The following EARS2 variants were observed in gnomAD, a reference collection of about 807,000 sequenced individuals.
EARS2 encodes the protein glutamyl-tRNA synthetase 2, mitochondrial.
In EARS2, 50 loss-of-function variants were observed where a neutral mutation model predicts 54.1. That is an observed-to-expected ratio of 0.92 (90% CI 0.74 to 1.17). EARS2 has a LOEUF of 1.17. EARS2 is among the 50% of genes most tolerant of loss of function. EARS2 has a pLI of 0.00. For missense variants in EARS2, 673 were observed against 675.0 expected, an observed-to-expected ratio of 1.00 and a Z score of 0.03; for synonymous variants, 298 against 281.0, an observed-to-expected ratio of 1.06 and a Z score of -0.61.
chr16:23,546,054 G>A (rs73548366), intron 2 of EARS2, among the ~76,000 whole-genome samples: 6 of 152,156 alleles, frequency 3.9e-5, no homozygotes, highest in Admixed American at 3.3e-4. Flanking sequence ...CCTGTGCAGA[G>A]GGAATTGTGA....
At chr16:23,546,738 C>T (rs1184680463) in intron 2 of EARS2, among the ~76,000 whole-genome samples, 1 of 152,122 alleles carries the variant, frequency 6.6e-6, no homozygotes. Flanking sequence ...TTTAAGTTTT[C>T]TATAGAGACA....
Position 23,524,260 on chromosome 16 carries a change from G to A in EARS2, c.*111C>T. 1 of 869,114 alleles carries A rather than the reference G, an allele frequency of 1.2e-6. No homozygotes were observed. Among genetic ancestry groups the A allele is most frequent in the African/African-American group, 1.7e-5 (1 of 60,270 alleles). The allele number at this position is 869,114 out of a possible 1,614,324, so 53.8% of individuals were successfully genotyped here. On this transcript the variant is annotated 3_prime_UTR_variant, in exon 9 of 9. Coordinates refer to ENST00000449606, the MANE Select transcript of EARS2 (RefSeq NM_001083614.2). Reference sequence around the variant, plus strand: ...CAGTCAGAGATTGTTTCCACTCTTAGTTCCTTCAGCAAACTTCCCGACGGG... The same window carrying A: ...CAGTCAGAGATTGTTTCCACTCTTAATTCCTTCAGCAAACTTCCCGACGGG...
In EARS2 at chr16:23,529,606, C is replaced by G. The variant is rs1346200076; in HGVS notation, c.1248G>C (p.Leu416Phe). The G allele has an allele frequency of 6.2e-7, 1 of 1,614,122 alleles. No individual in the cohort carries two copies. The highest frequency in any genetic ancestry group is 1.1e-5 in the South Asian group (1 of 91,072). Reference protein sequence around the residue: ...RQGHICRLQDLVSPVYSYLWT... With the variant: ...RQGHICRLQDFVSPVYSYLWT... ...ACAGGTAAGAGTATACTGGGGACACCAAGTCCTGCAGGCGGCAAATGTGAC... is the reference window on the plus strand; with the variant it reads ...ACAGGTAAGAGTATACTGGGGACACGAAGTCCTGCAGGCGGCAAATGTGAC... The change falls in exon 7 of 9, where the codon TTG (leucine) becomes TTC (phenylalanine). Residue 416 changes from leucine (L) to phenylalanine (F), a missense_variant. Transcript: ENST00000449606.
chr16:23,526,898 G>A (rs1965237885), intron 7 of EARS2, among the ~76,000 whole-genome samples: 1 of 152,182 alleles, frequency 6.6e-6, no homozygotes, highest in East Asian at 1.9e-4. Context: ...GTCAAGAGAT[G>A]GGAATAGGCT....
At chr16:23,550,411 T>C (rs1478335211) in intron 2 of EARS2, among the ~76,000 whole-genome samples, 1 of 150,856 alleles carries the variant, frequency 6.6e-6, no homozygotes, top group Admixed American at 6.7e-5. Flanking sequence ...CATCTGTCTT[T>C]TCCCTTGGCA....
chr16:23,552,246 C>A lies in EARS2; in HGVS notation c.198G>T (p.Lys66Asn). ...GCCTCAGGATGAAGCTCCCCTGGTA[C>A]TTCTTAGCAAAGATGTAGTTGTACA... is the stretch of plus-strand genomic sequence containing the variant. ...TALYNYIFAK[K>N]YQGSFILRLE... Residue 66 changes from lysine to asparagine, a missense_variant, in exon 2 of 9, where the codon AAG becomes AAT. Physicochemically the swap from Lys to Asn is moderately conservative, Grantham distance 94 (BLOSUM62 0). Coordinates refer to ENST00000449606, the MANE Select transcript of EARS2 (RefSeq NM_001083614.2). The A allele has an allele frequency of 6.2e-7, 1 of 1,614,220 alleles. No individual in the cohort carries two copies. The highest frequency in any genetic ancestry group is 8.5e-7 in the Non-Finnish European group (1 of 1,180,040).
rs1237326766 is a variant in EARS2, at chr16:23,552,273, G to A, written c.171C>T (p.Ala57=). ...TCTTAGCAAAGATGTAGTTGTACAA[G>A]GCAGTGCGGAGGCCACCCAGGTGCA... ...GFLHLGGLRT[A]LYNYIFAKKY... is the part of the protein sequence containing the mutation. The change falls in exon 2 of 9, where the codon GCC becomes GCT. Residue 57 remains alanine, a synonymous_variant. Coordinates refer to ENST00000449606, the MANE Select transcript of EARS2 (RefSeq NM_001083614.2). 6.2e-7 allele frequency: 1 copy of A among 1,614,226 alleles called. No individual in the cohort carries two copies. The highest frequency in any genetic ancestry group is 2.2e-5 in the East Asian group (1 of 44,888).
At chr16:23,527,801 C>G (rs1965256107) in intron 7 of EARS2, among the ~76,000 whole-genome samples, 1 of 152,140 alleles carries the variant, frequency 6.6e-6, no homozygotes, top group African/African-American at 2.4e-5. Context: ...GATCGGCCCG[C>G]CTGGGCCTCA....
In EARS2 at chr16:23,532,793, A is replaced by G. The variant is rs775493601; in HGVS notation, c.959-28T>C. On this transcript the variant is annotated intron_variant, in intron 4 of 8. Transcript: ENST00000449606. The stretch of plus-strand genomic sequence containing the variant: ...GCAAAGAAGAGAGGCCCAGCCACTC[A>G]GCTTCCTCTCTCCCTTCCTCCTTCC... 5.3e-6 allele frequency: 8 copies of G among 1,508,812 alleles called. No homozygotes were observed. The African/African-American group carries it at 1.1e-4, about 21-fold the overall frequency. The allele number at this position is 1,508,812 out of a possible 1,614,324, so 93.5% of individuals were successfully genotyped here.
intron 2 of EARS2, among the ~76,000 whole-genome samples, chr16:23,551,897 G>C (rs370376166): frequency 3.3e-5 from 5 of 152,286 alleles, no homozygotes; most frequent in African/African-American, 1.2e-4. Flanking sequence ...TCCAGCCTGG[G>C]CAACAGAGCA....
chr16:23,532,483 G>T, intron 5 of EARS2, 174 bp downstream of exon 5: 1 of 540,582 alleles, frequency 1.8e-6, no homozygotes, highest in Non-Finnish European at 3.3e-6. Context: ...TATAAGATCA[G>T]TACTGTTATT....
chr16:23,543,439 C>A (rs9923234), intron 3 of EARS2, among the ~76,000 whole-genome samples: 103,164 of 141,706 alleles, frequency 0.73, 37,887 homozygotes, highest in Non-Finnish European at 0.79. Context: ...ACAACAACAA[C>A]AAAAAAAAAA....
intron 2 of EARS2, among the ~76,000 whole-genome samples, chr16:23,548,595 T>A (rs1490992529): frequency 6.6e-6 from 1 of 152,144 alleles, no homozygotes; most frequent in African/African-American, 2.4e-5. Context: ...AAAGCCTTTT[T>A]TTTTTGAGAC....
chr16:23,533,051 C>T (rs1232776723), intron 4 of EARS2, among the ~76,000 whole-genome samples: 1 of 152,148 alleles, frequency 6.6e-6, no homozygotes, highest in Non-Finnish European at 1.5e-5. Context: ...TTTTGGGAGG[C>T]AGAGGTCGGC....
Position 23,535,080 on chromosome 16 carries a change from T to C in EARS2, c.766A>G (p.Lys256Glu). The part of the protein sequence containing the change: ...RGSEWLVSTA[K>E]HLLLYQALGW... ...AGGGCCTGGTAGAGGAGCAGGTGCTTGGCAGTGGAGACGAGCCACTCAGAG... is the reference window on the plus strand; with the variant it reads ...AGGGCCTGGTAGAGGAGCAGGTGCTCGGCAGTGGAGACGAGCCACTCAGAG... The change falls in exon 4 of 9, where the codon AAG (lysine) becomes GAG (glutamate). Residue 256 changes from lysine to glutamate, a missense_variant. Lys to Glu is a moderately conservative substitution (Grantham distance 56). Transcript: ENST00000449606. 6.2e-7 allele frequency: 1 copy of C among 1,602,590 alleles called. No homozygotes were observed. Among genetic ancestry groups the C allele is most frequent in the South Asian group, 1.1e-5 (1 of 89,740 alleles).
At chr16:23,539,712 CAA>C (rs5816217) in intron 3 of EARS2, among the ~76,000 whole-genome samples, 37 of 149,984 alleles carry the variant, frequency 2.5e-4, no homozygotes, top group Non-Finnish European at 2.5e-4. Flanking sequence ...TATAATTTAA[CAA>C]AAAAAAAAAA....
At chr16:23,556,969 T>A in intron 1 of EARS2, 1 of 711,498 alleles carries the variant, frequency 1.4e-6, no homozygotes, top group Non-Finnish European at 2.5e-6. Flanking sequence ...ATGGAATGCA[T>A]GAAAAAAAGA....
rs756279054 is a variant in EARS2, at chr16:23,544,515, G to A, written c.484C>T (p.Arg162Trp). ...KEALRNHQTP[R>W]YDNRCRNMSQ... ...TCTGCAACAAGCTGAGGTTCTTACC[G>A]GGGCGTCTGGTGGTTCCGCAAGGCC... The change falls in exon 3 of 9, where the codon CGG (arginine) becomes TGG (tryptophan). Residue 162 changes from arginine to tryptophan, a missense_variant and splice_region_variant. This residue lies in a region of EARS2 where 316 missense variants were observed against 275.2 expected (regional missense o/e 1.15). Coordinates refer to ENST00000449606, the MANE Select transcript of EARS2 (RefSeq NM_001083614.2). The A allele has an allele frequency of 2.3e-5, 37 of 1,612,426 alleles. No homozygotes were observed. The highest frequency in any genetic ancestry group is 2.6e-5 in the Non-Finnish European group (31 of 1,179,056).
chr16:23,523,242 ATCC>A lies in EARS2; in HGVS notation c.*1126_*1128del, dbSNP rs1965169729. 2 of 152,198 alleles carry A rather than the reference ATCC, an allele frequency of 1.3e-5. No homozygotes were observed. The highest frequency in any genetic ancestry group is 2.9e-5 in the Non-Finnish European group (2 of 68,064). 9.4% of individuals were successfully genotyped at this position (152,198 alleles called of 1,614,324 possible). A position where few individuals can be genotyped will look rare whatever the true frequency, so the allele number is the denominator to read the frequency against. On this transcript the variant is annotated 3_prime_UTR_variant, in exon 9 of 9. Transcript: ENST00000449606. ...GTAGGGGTTCATGTACCCTGCCACCATCCTCCTTTCACTTGCTATTCCTCTTCA... is the reference window on the plus strand; with the variant it reads ...GTAGGGGTTCATGTACCCTGCCACCATCCTTTCACTTGCTATTCCTCTTCA...
Sources: allele counts gnomAD v4.1 joint callset (sites outside exome capture counted in the v4.1 genomes callset), GRCh38; gene constraint gnomAD v4.1.1; regional missense constraint gnomAD v4.1.1; transcripts MANE v1.5; gene names NCBI Gene and HGNC (gene_info 2026-07-23, HGNC 2026-07-21).